The following PTPRA variants were observed in gnomAD, a reference collection of about 807,000 sequenced individuals.
PTPRA encodes the protein protein tyrosine phosphatase receptor type A, also known as receptor-type tyrosine-protein phosphatase alpha.
In PTPRA, 25 loss-of-function variants were observed where a neutral mutation model predicts 104.8. The observed-to-expected ratio is 0.24, with a 90% CI of 0.17 to 0.33. The LOEUF (loss-of-function observed/expected upper bound fraction) is 0.33. Among genes scored for constraint, PTPRA ranks in the 10% least tolerant of loss-of-function variants. The probability of loss-of-function intolerance (pLI) is 1.00; values close to 1 mark genes in which losing one functional copy is unlikely to be tolerated. For synonymous variants in PTPRA, 323 were observed against 368.9 expected (o/e 0.88, Z 1.43); for missense variants, 765 against 1,015.3 (o/e 0.75, Z 3.35).
chr20:2,936,439 A>G (rs2060704798), intron 2 of PTPRA, among the ~76,000 whole-genome samples: 1 of 150,976 alleles, frequency 6.6e-6, no homozygotes, highest in Non-Finnish European at 1.5e-5. Context: ...TTGGTATTAT[A>G]GGCATGAGCC....
chr20:2,926,593 C>A lies in PTPRA; in HGVS notation c.-50+3308C>A, dbSNP rs117368139. On this transcript the variant is annotated intron_variant, in intron 2 of 23. Transcript: ENST00000399903. ...GAGTAGGGGGTTACAATTTTAACAT[C>A]TTTTAGGGGACACAATTCAGTCTGG... is the stretch of plus-strand genomic sequence containing the variant. 9.9e-5 allele frequency among the ~76,000 whole-genome samples: 15 copies of A among 152,102 alleles called. No individual in the cohort carries two copies. In the East Asian group the frequency reaches 2.9e-3, roughly 29 times the overall value.
At chr20:2,923,904 A>C (rs574833271) in intron 2 of PTPRA, among the ~76,000 whole-genome samples, 16 of 152,242 alleles carry the variant, frequency 1.1e-4, no homozygotes, top group Non-Finnish European at 2.1e-4. Context: ...GTGGGAATGT[A>C]AACCAACTCT....
rs548521866 is a variant in PTPRA at position 3,017,612 on chromosome 20, C to T, written c.944-204C>T. ...TTTTTGACAGCCTTCCACCCAGCCC[C>T]ATCCTTGTGCAGTGCCTGGCACATA... is the stretch of plus-strand genomic sequence containing the variant. On this transcript the variant is annotated intron_variant, in intron 12 of 23. Coordinates refer to ENST00000399903, the MANE Select transcript of PTPRA (RefSeq NM_001385305.1). 2.0e-5 allele frequency among the ~76,000 whole-genome samples: 3 copies of T among 152,322 alleles called. No individual in the cohort carries two copies. In the South Asian group the frequency reaches 6.2e-4, roughly 32 times the overall value.
chr20:2,935,874 G>A (rs185461323), intron 2 of PTPRA, among the ~76,000 whole-genome samples: 5 of 152,256 alleles, frequency 3.3e-5, no homozygotes, highest in Non-Finnish European at 5.9e-5. Context: ...AAAATTAGCC[G>A]GGCGTGGCTG....
chr20:2,977,016 G>A (rs1205536726), intron 6 of PTPRA, among the ~76,000 whole-genome samples: 2 of 152,146 alleles, frequency 1.3e-5, no homozygotes, highest in Admixed American at 1.3e-4. Context: ...AGTGGCTCAC[G>A]CCTGTAATCC....
rs1377545762 is a variant in PTPRA, at chr20:2,965,196, C to A, written c.409C>A (p.Pro137Thr). 6.2e-7 allele frequency: 1 copy of A among 1,605,586 alleles called. No individual in the cohort carries two copies. The highest frequency in any genetic ancestry group is 1.7e-5 in the Admixed American group (1 of 59,824). The change falls in exon 5 of 24, where the codon CCT becomes ACT. Residue 137 changes from proline (P) to threonine (T), a missense_variant. By Grantham distance (38) the Pro-to-Thr change is conservative. This residue lies in a region of PTPRA where 256 missense variants were observed against 248.9 expected (regional missense o/e 1.03). Transcript: ENST00000399903. ...TAATTPETFPPSGNSDSKDRR... is the reference protein window; with the variant it reads ...TAATTPETFPTSGNSDSKDRR... ...AGCAACCACTCCAGAAACTTTCCCT[C>A]CTTCAGGTACTAGAGATGATTCTGT...
At chr20:3,024,652 T>A (rs1450059110) in intron 17 of PTPRA, 31 bp downstream of exon 17, 1 of 1,610,774 alleles carries the variant, frequency 6.2e-7, no homozygotes, top group Middle Eastern at 1.7e-4. Context: ...CTCCTTCAGA[T>A]TGAAGGATCC....
At chr20:2,937,192 C>T (rs1374308316) in intron 2 of PTPRA, among the ~76,000 whole-genome samples, 2 of 147,446 alleles carry the variant, frequency 1.4e-5, no homozygotes, top group Admixed American at 6.9e-5. Flanking sequence ...GGCGTGATCT[C>T]AGCTCATTGC....
At chr20:2,941,619 G>C (rs955209239) in intron 2 of PTPRA, among the ~76,000 whole-genome samples, 1 of 152,140 alleles carries the variant, frequency 6.6e-6, no homozygotes, top group Admixed American at 6.6e-5. Context: ...TTCTTCAAAG[G>C]CTTCTTAATG....
chr20:2,865,270 C>T, the PTPRA span: 1 of 1,614,210 alleles, frequency 6.2e-7, no homozygotes, highest in Non-Finnish European at 8.5e-7. The surrounding 1 kb of genome is among the most constrained non-coding windows in gnomAD (Gnocchi z 5.2). Context: ...GCGGTCACAA[C>T]AAGCGTGCAG....
chr20:2,981,925 C>T (rs2062689288), intron 6 of PTPRA, among the ~76,000 whole-genome samples: 1 of 152,146 alleles, frequency 6.6e-6, no homozygotes, highest in Non-Finnish European at 1.5e-5. Flanking sequence ...CTCAAAGATT[C>T]TGATCTACAT....
At chr20:2,895,158 C>G (rs1456408286) in intron 1 of PTPRA, among the ~76,000 whole-genome samples, 4 of 152,032 alleles carry the variant, frequency 2.6e-5, no homozygotes, top group African/African-American at 9.7e-5. Context: ...TCACTGCAAC[C>G]TCTGCCTCCC....
chr20:2,964,971 G>T lies in PTPRA; in HGVS notation c.184G>T (p.Ala62Ser). 1.2e-6 allele frequency: 2 copies of T among 1,613,760 alleles called. No homozygotes were observed. The highest frequency in any genetic ancestry group is 1.7e-6 in the Non-Finnish European group (2 of 1,179,712). Residue 62 changes from alanine to serine, a missense_variant, in exon 5 of 24, where the codon GCA becomes TCA. Transcript: ENST00000399903. The stretch of plus-strand genomic sequence containing the variant: ...TTCTTCACTAACTTCTCTTTCTGTG[G>T]CACCAACATTCAGCCCAAATATAAC... Reference protein sequence around the residue: ...PTSSLTSLSVAPTFSPNITLG... With the variant: ...PTSSLTSLSVSPTFSPNITLG...
chr20:3,037,412 C>A lies in PTPRA; in HGVS notation c.2334+123C>A. On this transcript the variant is annotated intron_variant, in intron 23 of 23. Transcript: ENST00000399903. The surrounding 1 kb of genome is among the most constrained non-coding windows in gnomAD (Gnocchi z 4.3). ...CTGTCTAAACACAGACCTGCCCTTG[C>A]CCTCCCAAGGTGCCCCAAATACACA... 6.9e-7 allele frequency: 1 copy of A among 1,448,674 alleles called. No homozygotes were observed. Among genetic ancestry groups the A allele is most frequent in the African/African-American group, 1.4e-5 (1 of 70,752 alleles). The allele number at this position is 1,448,674 out of a possible 1,614,324, so 89.7% of individuals were successfully genotyped here. A position where few individuals can be genotyped will look rare whatever the true frequency, so the allele number is the denominator to read the frequency against.
intron 6 of PTPRA, among the ~76,000 whole-genome samples, chr20:2,981,321 C>T (rs935978043): frequency 2.6e-5 from 4 of 152,200 alleles, no homozygotes; most frequent in East Asian, 3.9e-4. Context: ...TGCTAGGTCT[C>T]GGATTTGCCT....
Position 3,026,692 on chromosome 20 carries a change from A to C in PTPRA, c.1620A>C (p.Leu540Phe), listed in dbSNP as rs1264953528. Residue 540 changes from leucine (L) to phenylalanine (F), a missense_variant, in exon 18 of 24, where the codon TTA becomes TTC. By Grantham distance (22) the Leu-to-Phe change is conservative. Transcript: ENST00000399903. ...CCCTCCCCTTCCCAATTCAGAAGTT[A>C]ACATCAATCAAAATCCAGAATGACA... The part of the protein sequence containing the change: ...NNGLEEEFKK[L>F]TSIKIQNDKM... 5 of 1,607,994 alleles carry C rather than the reference A, an allele frequency of 3.1e-6. No homozygotes were observed. The highest frequency in any genetic ancestry group is 4.3e-6 in the Non-Finnish European group (5 of 1,174,448).
At chr20:2,921,844 A>C (rs1220142169) in intron 1 of PTPRA, among the ~76,000 whole-genome samples, 1 of 152,210 alleles carries the variant, frequency 6.6e-6, no homozygotes, top group East Asian at 1.9e-4. Flanking sequence ...AGAGGTAGAA[A>C]TGGCTAGGCT....
chr20:2,963,518 C>T (rs1233506221), intron 3 of PTPRA, among the ~76,000 whole-genome samples: 10 of 151,804 alleles, frequency 6.6e-5, no homozygotes, highest in South Asian at 2.1e-4. Flanking sequence ...TGCTTGAACC[C>T]GGGAGGCGGA....
the PTPRA span, chr20:2,864,671 G>A: frequency 9.4e-6 from 15 of 1,598,108 alleles, no homozygotes; most frequent in East Asian, 8.9e-5. This position sits in a 1 kb window ranked among gnomAD's most constrained non-coding sequence, Gnocchi z 5.2. Context: ...GATCCATGGG[G>A]CGTGTGGGGC....
Sources: gnomAD v4.1 joint callset for allele counts (sites outside exome capture counted in the v4.1 genomes callset) on GRCh38, gnomAD v4.1.1 for gene constraint, gnomAD v4.1.1 regional missense constraint, Gnocchi (gnomAD v3.1) non-coding constraint, MANE v1.5 for transcripts, NCBI Gene and HGNC (gene_info 2026-07-23, HGNC 2026-07-21) for gene names.